The following CEP290 variants were observed in gnomAD, a reference collection of about 807,000 sequenced individuals.
CEP290 encodes centrosomal protein of 290 kDa.
In CEP290, 317 loss-of-function variants were observed where a neutral mutation model predicts 344.9. That is an observed-to-expected ratio of 0.92 (90% CI 0.84 to 1.01). The LOEUF (loss-of-function observed/expected upper bound fraction) is 1.01, where lower values mean the gene tolerates loss of function less well. Ranked by LOEUF, CEP290 falls within the 50% of genes least tolerant of loss-of-function variation. The pLI, the probability that CEP290 is intolerant of heterozygous loss-of-function variation, is 0.00. For synonymous variants in CEP290, 932 were observed against 895.8 expected (o/e 1.04, Z -0.72); for missense variants, 2,754 against 2,761.4 (o/e 1.00, Z 0.06).
At chr12:88,088,488 A>G (rs1291088369) in intron 31 of CEP290, among the ~76,000 whole-genome samples, 1 of 152,172 alleles carries the variant, frequency 6.6e-6, no homozygotes, top group African/African-American at 2.4e-5. Context: ...ATAGTAATTA[A>G]AATTCTTTGC....
Position 88,063,979 on chromosome 12 carries a change from A to G in CEP290, c.6270+2T>C. Reference sequence around the variant, plus strand: ...TTTCCTAATAAAAAACATTAAATTCACCTTTAATCTTGGCAAATCTTTATT... The same window carrying G: ...TTTCCTAATAAAAAACATTAAATTCGCCTTTAATCTTGGCAAATCTTTATT... On this transcript the variant is annotated splice_donor_variant, in intron 45 of 53. Coordinates refer to ENST00000552810, the MANE Select transcript of CEP290 (RefSeq NM_025114.4). LOFTEE classifies it high-confidence loss of function. 6.3e-7 allele frequency: 1 copy of G among 1,586,084 alleles called. No homozygotes were observed.
intron 52 of CEP290, among the ~76,000 whole-genome samples, chr12:88,052,626 T>TGCATATATATACATACAC (rs536506311): frequency 6.6e-6 from 1 of 152,118 alleles, no homozygotes; most frequent in African/African-American, 2.4e-5. Flanking sequence ...TGTACAGACA[T>TGCATATATATACATACAC]GCATATATAT....
At chr12:88,089,546 T>C in intron 30 of CEP290, 59 bp from the exon 31 acceptor site, 1 of 1,243,918 alleles carries the variant, frequency 8.0e-7, no homozygotes, top group Non-Finnish European at 1.1e-6. Context: ...GTGAAAGTTA[T>C]CACAGATTTA....
At chr12:88,053,529 C>A in intron 52 of CEP290, 123 bp downstream of exon 52, 1 of 620,230 alleles carries the variant, frequency 1.6e-6, no homozygotes. Context: ...AGACCCAAAG[C>A]TTATCAGGAA....
chr12:88,096,901 C>T lies in CEP290; in HGVS notation c.3090G>A (p.Gln1030=). 1.9e-6 allele frequency: 3 copies of T among 1,543,306 alleles called. No individual in the cohort carries two copies. The highest frequency in any genetic ancestry group is 1.2e-5 in the South Asian group (1 of 81,100). Reference sequence around the variant, plus strand: ...CATAAAACTTACCTAATTTAGTTTCCTGTTCCCAGGCTTGTTCAATAGTGT... The same window carrying T: ...CATAAAACTTACCTAATTTAGTTTCTTGTTCCCAGGCTTGTTCAATAGTGT... ...KLHTIEQAWE[Q]ETKLGNESSM... The change falls in exon 27 of 54, where the codon CAG becomes CAA. Residue 1030 remains glutamine, a synonymous_variant. Coordinates refer to ENST00000552810, the MANE Select transcript of CEP290 (RefSeq NM_025114.4).
intron 3 of CEP290, among the ~76,000 whole-genome samples, chr12:88,140,603 T>G (rs2040592530): frequency 6.6e-6 from 1 of 152,208 alleles, no homozygotes; most frequent in Non-Finnish European, 1.5e-5. Flanking sequence ...ACACTACTCC[T>G]CAGTATTGAT....
rs1459370644 is a variant in CEP290 at position 88,050,401 on chromosome 12, G to C, written c.7162C>G (p.Leu2388Val). 1 of 1,562,908 alleles carries C rather than the reference G, an allele frequency of 6.4e-7. No homozygotes were observed. The highest frequency in any genetic ancestry group is 8.7e-7 in the Non-Finnish European group (1 of 1,144,064). ...ADQLKEKIKD[L>V]ETQLKMSDLE... ...TCTGACATTTTGAGCTGTGTCTCTA[G>C]ATCTTTTATTTTTTCCTTTAGTTGA... Residue 2388 changes from leucine (L) to valine (V), a missense_variant, in exon 53 of 54, where the codon CTA (leucine) becomes GTA (valine). Physicochemically the swap from Leu to Val is conservative, Grantham distance 32. Transcript: ENST00000552810.
chr12:88,129,962 G>A (rs955617702), intron 9 of CEP290, 86 bp from the exon 10 acceptor site: 2 of 848,424 alleles, frequency 2.4e-6, no homozygotes, highest in Non-Finnish European at 3.4e-6. Context: ...GCAGCCATAA[G>A]TGTCCTCTAG....
At position 88,142,008 on chromosome 12, in the gene CEP290, G is replaced by A. The variant is rs187940790; in HGVS notation, c.-136C>T. On this transcript the variant is annotated 5_prime_UTR_variant, in exon 1 of 54. Coordinates refer to ENST00000552810, the MANE Select transcript of CEP290 (RefSeq NM_025114.4). ...TATCGCGGTTCCACGCGGACTCTGG[G>A]TCCAGCCAAATGGTCCCGAGCAAGC... 6.6e-6 allele frequency: 1 copy of A among 152,272 alleles called. No individual in the cohort carries two copies. The highest frequency in any genetic ancestry group is 1.5e-5 in the Non-Finnish European group (1 of 68,106). 9.4% of individuals were successfully genotyped at this position (152,272 alleles called of 1,614,324 possible). A position where few individuals can be genotyped will look rare whatever the true frequency, so the allele number is the denominator to read the frequency against.
intron 26 of CEP290, 71 bp downstream of exon 26, chr12:88,102,767 A>C: frequency 7.7e-7 from 1 of 1,296,946 alleles, no homozygotes; most frequent in South Asian, 1.4e-5. Context: ...AATCTGCCAA[A>C]TCCCCCCAAA....
At chr12:88,112,467 A>C (rs2038759410) in intron 20 of CEP290, among the ~76,000 whole-genome samples, 1 of 152,188 alleles carries the variant, frequency 6.6e-6, no homozygotes, top group African/African-American at 2.4e-5. Flanking sequence ...AAGAATAATG[A>C]GTAAGCAAAA....
At chr12:88,107,838 G>T (rs1427346925) in intron 23 of CEP290, among the ~76,000 whole-genome samples, 3 of 151,648 alleles carry the variant, frequency 2.0e-5, no homozygotes, top group Non-Finnish European at 2.9e-5. Context: ...GGAGGCAGAG[G>T]TTGCAGTGAG....
At chr12:88,112,212 G>A (rs761051201) in intron 20 of CEP290, among the ~76,000 whole-genome samples, 21 of 152,044 alleles carry the variant, frequency 1.4e-4, no homozygotes, top group African/African-American at 4.1e-4. Flanking sequence ...TAGTTTTCTT[G>A]TCTCTAAAAG....
intron 7 of CEP290, among the ~76,000 whole-genome samples, 167 bp downstream of exon 7, chr12:88,130,998 G>C (rs1379985965): frequency 6.6e-6 from 1 of 151,996 alleles, no homozygotes; most frequent in Non-Finnish European, 1.5e-5. Context: ...CTCACATTTT[G>C]CTTTGTTTTC....
intron 44 of CEP290, among the ~76,000 whole-genome samples, chr12:88,064,613 C>A (rs971302394): frequency 6.6e-6 from 1 of 151,934 alleles, no homozygotes; most frequent in Non-Finnish European, 1.5e-5. Flanking sequence ...TGACTGGTAT[C>A]CTTATGAAAA....
intron 46 of CEP290, among the ~76,000 whole-genome samples, chr12:88,062,026 G>A (rs2034524727): frequency 1.3e-5 from 2 of 152,176 alleles, no homozygotes; most frequent in South Asian, 2.1e-4. Flanking sequence ...TGATCTGCCC[G>A]CCTCGGCCTC....
In CEP290 at chr12:88,071,352, C is replaced by A. The variant is rs1014354752; in HGVS notation, c.5953G>T (p.Glu1985Ter). Reference protein sequence around the residue: ...LGIRALESEKELEELKKRNLD... With the variant: ...LGIRALESEK Reference sequence around the variant, plus strand: ...TTTCTCTTTTTTAATTCTTCCAATTCTTTTTCTGACTCCAAAGCTCGTATT... The same window carrying A: ...TTTCTCTTTTTTAATTCTTCCAATTATTTTTCTGACTCCAAAGCTCGTATT... Residue 1985 changes from glutamate (E) to a stop codon, truncating the protein, a stop_gained, in exon 43 of 54, where the codon GAA becomes TAA. Coordinates refer to ENST00000552810, the MANE Select transcript of CEP290 (RefSeq NM_025114.4). LOFTEE classifies it high-confidence loss of function. 6.2e-7 allele frequency: 1 copy of A among 1,609,314 alleles called. No homozygotes were observed. Among genetic ancestry groups the A allele is most frequent in the Non-Finnish European group, 8.5e-7 (1 of 1,176,652 alleles).
chr12:88,117,069 T>A lies in CEP290; in HGVS notation c.1788A>T (p.Leu596Phe). The change falls in exon 18 of 54, where the codon TTA becomes TTT. Residue 596 changes from leucine (L) to phenylalanine (F), a missense_variant. Transcript: ENST00000552810. The stretch of plus-strand genomic sequence containing the variant: ...CTTCACTCATATTTTTGAGGCTCAA[T>A]AAATCCAATTTTCTTTCACTTATTC... ...GDRISERKLD[L>F]LSLKNMSEAQ... The A allele has an allele frequency of 6.4e-7, 1 of 1,557,004 alleles. No individual in the cohort carries two copies. The highest frequency in any genetic ancestry group is 1.2e-5 in the South Asian group (1 of 84,884).
rs1353100864 is a variant in CEP290 at position 88,077,272 on chromosome 12, G to C, written c.5659C>G (p.Gln1887Glu). The C allele has an allele frequency of 1.2e-6, 2 of 1,603,288 alleles. No homozygotes were observed. The highest frequency in any genetic ancestry group is 1.7e-6 in the Non-Finnish European group (2 of 1,175,664). Residue 1887 changes from glutamine to glutamate, a missense_variant, in exon 41 of 54, where the codon CAA becomes GAA. Coordinates refer to ENST00000552810, the MANE Select transcript of CEP290 (RefSeq NM_025114.4). ...ACTTCCTCCACCTTTCCCTCTAATT[G>C]GTTCTCTAGTTTTTTAACTTTCCTT... ...LQRKVKKLENQLEGKVEEVDL... is the reference protein window; with the variant it reads ...LQRKVKKLENELEGKVEEVDL...
Sources: gnomAD v4.1 joint callset for allele counts (sites outside exome capture counted in the v4.1 genomes callset) on GRCh38, gnomAD v4.1.1 for gene constraint, MANE v1.5 for transcripts, NCBI Gene and HGNC (gene_info 2026-07-23, HGNC 2026-07-21) for gene names.